Variants in XYLT2 observed in about 807,000 individuals in gnomAD.
XYLT2 encodes xylosyltransferase 2.
Under a neutral mutation model 82.6 loss-of-function variants are expected in XYLT2, and 37 were observed. That is an observed-to-expected ratio of 0.45 (90% CI 0.34 to 0.59). The LOEUF (loss-of-function observed/expected upper bound fraction) is 0.59, where lower values mean the gene tolerates loss of function less well. XYLT2 is among the 20% of genes least tolerant of loss of function. XYLT2 has a pLI of 0.01. For missense variants in XYLT2, 934 were observed against 1,181.3 expected (o/e 0.79, Z 3.07); for synonymous variants, 474 against 499.0 (o/e 0.95, Z 0.67).
rs772208473 is a variant in XYLT2 at position 50,354,574 on chromosome 17, T to C, written c.795T>C (p.His265=). ...VYHEQHFFYI[H]VDKRSDYLHR... ...ACGAGCAGCACTTCTTTTACATCCA[T>C]GTGGACAAGGTACTGTGGTGGGGAG... The change falls in exon 3 of 11, where the codon CAT becomes CAC. Residue 265 remains histidine, a synonymous_variant. Coordinates refer to ENST00000017003, the MANE Select transcript of XYLT2 (RefSeq NM_022167.4). 1.2e-6 allele frequency: 2 copies of C among 1,609,106 alleles called. No individual in the cohort carries two copies. The highest frequency in any genetic ancestry group is 2.2e-5 in the East Asian group (1 of 44,806).
intron 2 of XYLT2, 116 bp downstream of exon 2, chr17:50,354,238 C>T: frequency 6.5e-7 from 1 of 1,534,640 alleles, no homozygotes; most frequent in Non-Finnish European, 8.7e-7. Context: ...TACCTCCCTG[C>T]CTAAGTCTTC....
rs1912054890 is a variant in XYLT2 at position 50,346,622 on chromosome 17, G to A, written c.135+347G>A. On this transcript the variant is annotated intron_variant, in intron 1 of 10. Transcript: ENST00000017003. This position sits in a 1 kb window ranked among gnomAD's most constrained non-coding sequence, Gnocchi z 5.1. ...GCGGGGCTGGGCCCGAACCTGCTCG[G>A]AGGTGGGGAGCCCCAGGCCAAACTT... The A allele has an allele frequency of 5.1e-6, 5 of 985,376 alleles. No homozygotes were observed. The highest frequency in any genetic ancestry group is 6.0e-6 in the Non-Finnish European group (5 of 829,864). The allele number at this position is 985,376 out of a possible 1,614,324, so 61.0% of individuals were successfully genotyped here. A position where few individuals can be genotyped will look rare whatever the true frequency, so the allele number is the denominator to read the frequency against.
chr17:50,361,068 T>C lies in XYLT2; in HGVS notation c.*777T>C. On this transcript the variant is annotated 3_prime_UTR_variant, in exon 11 of 11. Transcript: ENST00000017003. ...TGGGAAGAAGACTCTGTCAAGACTC[T>C]CAGAAGAACCTGGAGTAATTGTGCC... 1.0e-6 allele frequency: 1 copy of C among 985,912 alleles called. No homozygotes were observed. Among genetic ancestry groups the C allele is most frequent in the Non-Finnish European group, 1.2e-6 (1 of 829,968 alleles). The allele number at this position is 985,912 out of a possible 1,614,324, so 61.1% of individuals were successfully genotyped here. A position where few individuals can be genotyped will look rare whatever the true frequency, so the allele number is the denominator to read the frequency against.
In XYLT2 at chr17:50,357,117, G is replaced by A. The variant is rs1912574138; in HGVS notation, c.1806G>A (p.Gln602=). Reference sequence around the variant, plus strand: ...TGTATTTCTATGACGACCATTTCCAGGGCTACCTGGTGACGCAGGCGGTGC... The same window carrying A: ...TGTATTTCTATGACGACCATTTCCAAGGCTACCTGGTGACGCAGGCGGTGC... ...VHLYFYDDHF[Q]GYLVTQAVQP... Residue 602 remains glutamine, a synonymous_variant, in exon 9 of 11, where the codon CAG becomes CAA. Transcript: ENST00000017003. 1 of 1,613,852 alleles carries A rather than the reference G, an allele frequency of 6.2e-7. No homozygotes were observed. Among genetic ancestry groups the A allele is most frequent in the Non-Finnish European group, 8.5e-7 (1 of 1,179,926 alleles).
rs1157893910 is a variant in XYLT2 at position 50,360,016 on chromosome 17, G to C, written c.2323G>C (p.Glu775Gln). The C allele has an allele frequency of 6.8e-6, 11 of 1,613,320 alleles. No individual in the cohort carries two copies. The highest frequency in any genetic ancestry group is 5.3e-5 in the African/African-American group (4 of 74,920). ...AGGGCCACCCCACAACGAGTACATG[G>C]AGCAGAGTTTCCAGGGCCTGAGTAG... is the stretch of plus-strand genomic sequence containing the variant. ...HAGPPHNEYM[E>Q]QSFQGLSSIL... The change falls in exon 11 of 11, where the codon GAG (glutamate) becomes CAG (glutamine). Residue 775 changes from glutamate (E) to glutamine (Q), a missense_variant. Around this residue, in one of 3 missense-constraint regions of XYLT2, gnomAD observed 374 missense variants for 465.6 expected, o/e 0.80. Transcript: ENST00000017003.
At chr17:50,355,117 G>A in intron 4 of XYLT2, 61 bp downstream of exon 4, 2 of 1,497,056 alleles carry the variant, frequency 1.3e-6, no homozygotes, top group South Asian at 2.7e-5. Context: ...GGCACCTGGG[G>A]TTGGAGGGCT....
Position 50,346,420 on chromosome 17 carries a change from TC to T in XYLT2, c.135+147del. 1.1e-6 allele frequency: 1 copy of T among 940,590 alleles called. No individual in the cohort carries two copies. Among genetic ancestry groups the T allele is most frequent in the Non-Finnish European group, 1.3e-6 (1 of 788,726 alleles). 58.3% of individuals were successfully genotyped at this position (940,590 alleles called of 1,614,324 possible). A position where few individuals can be genotyped will look rare whatever the true frequency, so the allele number is the denominator to read the frequency against. Reference sequence around the variant, plus strand: ...GCCGGCGGTCGCCCAGAGCGGAGCATCCGGCCCCCGGCACTCCCTTCCCCAG... The same window carrying T: ...GCCGGCGGTCGCCCAGAGCGGAGCATCGGCCCCCGGCACTCCCTTCCCCAG... On this transcript the variant is annotated intron_variant, in intron 1 of 10. Coordinates refer to ENST00000017003, the MANE Select transcript of XYLT2 (RefSeq NM_022167.4). This position sits in a 1 kb window ranked among gnomAD's most constrained non-coding sequence, Gnocchi z 5.1.
chr17:50,355,383 G>T, intron 4 of XYLT2, 118 bp from the exon 5 acceptor site: 1 of 1,107,986 alleles, frequency 9.0e-7, no homozygotes, highest in South Asian at 1.4e-5. Flanking sequence ...CATCAGCCAG[G>T]GGTAGGGCAC....
At position 50,357,156 on chromosome 17, in the gene XYLT2, G is replaced by A. The variant is rs60712738; in HGVS notation, c.1845G>A (p.Gln615=). 1.2e-6 allele frequency: 2 copies of A among 1,613,382 alleles called. No homozygotes were observed. The highest frequency in any genetic ancestry group is 4.5e-5 in the East Asian group (2 of 44,872). ...CGCAGGCGGTGCAGCCCTCAGCCCA[G>A]GGGCCGGCAGAGACGCTTGAGATGT... ...LVTQAVQPSA[Q]GPAETLEMWL... Residue 615 remains glutamine, a synonymous_variant, in exon 9 of 11, where the codon CAG becomes CAA. Coordinates refer to ENST00000017003, the MANE Select transcript of XYLT2 (RefSeq NM_022167.4).
rs755688746 is a variant in XYLT2 at position 50,360,296 on chromosome 17, G to A, written c.*5G>A. On this transcript the variant is annotated 3_prime_UTR_variant, in exon 11 of 11. Transcript: ENST00000017003. ...GCAGACGGGCGACTCAGGTAGCAGG[G>A]CCCCAGCCAGTACCCGTGGAGGACC... 29 of 1,558,778 alleles carry A rather than the reference G, an allele frequency of 1.9e-5. No homozygotes were observed. Among genetic ancestry groups the A allele is most frequent in the Non-Finnish European group, 2.4e-5 (28 of 1,152,966 alleles).
intron 1 of XYLT2, among the ~76,000 whole-genome samples, chr17:50,353,316 A>G (rs1912347728): frequency 6.6e-6 from 1 of 152,082 alleles, no homozygotes; most frequent in South Asian, 2.1e-4. Flanking sequence ...TATTTATTTT[A>G]ACATCTGCTG....
chr17:50,360,393 A>G lies in XYLT2; in HGVS notation c.*102A>G. On this transcript the variant is annotated 3_prime_UTR_variant, in exon 11 of 11. Transcript: ENST00000017003. ...GGCAAGAACCAGAGGCCCAGGCTGC[A>G]CACCCATTTCAGCCATCAAGAACCC... 6.9e-7 allele frequency: 1 copy of G among 1,440,652 alleles called. No individual in the cohort carries two copies. Among genetic ancestry groups the G allele is most frequent in the Non-Finnish European group, 9.1e-7 (1 of 1,098,542 alleles). 89.2% of individuals were successfully genotyped at this position (1,440,652 alleles called of 1,614,324 possible).
In XYLT2 at chr17:50,354,080, A is replaced by G; in HGVS notation, c.586A>G (p.Ser196Gly). Reference sequence around the variant, plus strand: ...TGTGGTGTGCCTGCACCAGGCTGGGAGCCTCATGCCCAAGGCTGTGCCCCG... The same window carrying G: ...TGTGGTGTGCCTGCACCAGGCTGGGGGCCTCATGCCCAAGGCTGTGCCCCG... The part of the protein sequence containing the change: ...ANVVCLHQAG[S>G]LMPKAVPRHC... The change falls in exon 2 of 11, where the codon AGC (serine) becomes GGC (glycine). Residue 196 changes from serine to glycine, a missense_variant. Ser to Gly is a moderately conservative substitution (Grantham distance 56). Transcript: ENST00000017003. 3 of 1,607,142 alleles carry G rather than the reference A, an allele frequency of 1.9e-6. No homozygotes were observed. Among genetic ancestry groups the G allele is most frequent in the Non-Finnish European group, 2.5e-6 (3 of 1,179,916 alleles).
Position 50,354,544 on chromosome 17 carries a change from T to C in XYLT2, c.765T>C (p.Val255=). 6.2e-7 allele frequency: 1 copy of C among 1,612,726 alleles called. No homozygotes were observed. The highest frequency in any genetic ancestry group is 8.5e-7 in the Non-Finnish European group (1 of 1,179,588). ...AGCTGAAGCGTCTCCTCAAGGCCGT[T>C]TATCACGAGCAGCACTTCTTTTACA... ...IRQLKRLLKA[V]YHEQHFFYIH... The change falls in exon 3 of 11, where the codon GTT becomes GTC. Residue 255 remains valine (V), a synonymous_variant. Coordinates refer to ENST00000017003, the MANE Select transcript of XYLT2 (RefSeq NM_022167.4).
rs180818756 is a variant in XYLT2, at chr17:50,354,389, G to A, written c.629-19G>A. 2.6e-5 allele frequency: 42 copies of A among 1,594,192 alleles called. No homozygotes were observed. In the East Asian group the frequency reaches 4.0e-4, roughly 15 times the overall value. The stretch of plus-strand genomic sequence containing the variant: ...GTGACCTAGGGTGGGCCTCGCCAAC[G>A]CCTGTCCTCTGCTCTCAGGGAAGAT... On this transcript the variant is annotated intron_variant, in intron 2 of 10. Coordinates refer to ENST00000017003, the MANE Select transcript of XYLT2 (RefSeq NM_022167.4).
At position 50,360,750 on chromosome 17, in the gene XYLT2, C is replaced by A; in HGVS notation, c.*459C>A. ...CACGAGGCTGGGCCTGCCTCACTCT[C>A]CAGGGCCTCATGCCCCATTCTGGGC... On this transcript the variant is annotated 3_prime_UTR_variant, in exon 11 of 11. Transcript: ENST00000017003. 1.0e-6 allele frequency: 1 copy of A among 987,734 alleles called. No homozygotes were observed. 61.2% of individuals were successfully genotyped at this position (987,734 alleles called of 1,614,324 possible).
intron 1 of XYLT2, among the ~76,000 whole-genome samples, chr17:50,352,976 A>C (rs528893906): frequency 6.6e-6 from 1 of 152,286 alleles, no homozygotes; most frequent in African/African-American, 2.4e-5. Context: ...TTTGCGGTCC[A>C]AAGCCTTTCC....
chr17:50,350,865 G>A (rs1187690221), intron 1 of XYLT2, among the ~76,000 whole-genome samples: 2 of 152,112 alleles, frequency 1.3e-5, no homozygotes, highest in African/African-American at 2.4e-5. Flanking sequence ...TGAGCAGTGG[G>A]GCTATCTGGG....
intron 4 of XYLT2, 97 bp from the exon 5 acceptor site, chr17:50,355,404 A>T: frequency 2.2e-6 from 3 of 1,350,076 alleles, no homozygotes; most frequent in Non-Finnish European, 3.1e-6. Flanking sequence ...ATGGCCAGCC[A>T]GCAATCAGGC....
Sources: allele counts gnomAD v4.1 joint callset (sites outside exome capture counted in the v4.1 genomes callset), GRCh38; gene constraint gnomAD v4.1.1; regional missense constraint gnomAD v4.1.1; non-coding constraint Gnocchi (gnomAD v3.1); transcripts MANE v1.5; gene names NCBI Gene and HGNC (gene_info 2026-07-23, HGNC 2026-07-21).